NNT: variants seen among roughly 807,000 people sequenced by gnomAD.
The protein encoded by NNT is NAD(P) transhydrogenase, mitochondrial.
In NNT, 50 loss-of-function variants were observed where a neutral mutation model predicts 104.8. The observed-to-expected ratio is 0.48, with a 90% CI of 0.38 to 0.60. NNT has a LOEUF of 0.60. NNT is among the 20% of genes least tolerant of loss of function. NNT has a pLI of 0.00. For missense variants in NNT, 1,131 were observed against 1,330.7 expected, an observed-to-expected ratio of 0.85 and a Z score of 2.33; for synonymous variants, 461 against 490.4, an observed-to-expected ratio of 0.94 and a Z score of 0.79.
intron 17 of NNT, among the ~76,000 whole-genome samples, chr5:43,660,288 G>C (rs764211005): frequency 1.3e-4 from 19 of 151,984 alleles, no homozygotes; most frequent in Non-Finnish European, 2.1e-4. Flanking sequence ...TACCTTAGAA[G>C]TTTTGTGGTC....
intron 6 of NNT, among the ~76,000 whole-genome samples, chr5:43,627,262 G>A (rs936649086): frequency 1.3e-5 from 2 of 152,212 alleles, no homozygotes; most frequent in African/African-American, 4.8e-5. Context: ...ACCATGGACT[G>A]TATGTCCTAC....
chr5:43,679,940 C>G (rs1741613029), intron 19 of NNT, among the ~76,000 whole-genome samples: 1 of 151,520 alleles, frequency 6.6e-6, no homozygotes, highest in Admixed American at 6.6e-5. Context: ...TCTAGTTTCT[C>G]TATTTGTAAG....
At chr5:43,636,318 T>C (rs1433799257) in intron 7 of NNT, among the ~76,000 whole-genome samples, 2 of 152,210 alleles carry the variant, frequency 1.3e-5, no homozygotes, top group Non-Finnish European at 2.9e-5. Flanking sequence ...TCAAGGATTA[T>C]GTGGACCATT....
intron 20 of NNT, 56 bp downstream of exon 20, chr5:43,700,293 G>A: frequency 1.6e-6 from 2 of 1,258,338 alleles, no homozygotes; most frequent in South Asian, 2.6e-5. Flanking sequence ...ATAAAGCAGT[G>A]CAGGTGTGGG....
At position 43,645,358 on chromosome 5, in the gene NNT, A is replaced by T. The variant is rs752581106; in HGVS notation, c.1292A>T (p.Asp431Val). 6.5e-7 allele frequency: 1 copy of T among 1,534,716 alleles called. No homozygotes were observed. Among genetic ancestry groups the T allele is most frequent in the African/African-American group, 1.4e-5 (1 of 71,828 alleles). Reference sequence around the variant, plus strand: ...GTACTATTTTTTAATGTCTATTAGGATGGTAAAGTGATTTTCCCAGCTCCC... The same window carrying T: ...GTACTATTTTTTAATGTCTATTAGGTTGGTAAAGTGATTTTCCCAGCTCCC... Reference protein sequence around the residue: ...HVIRGTVVMKDGKVIFPAPTP... With the variant: ...HVIRGTVVMKVGKVIFPAPTP... Residue 431 changes from aspartate to valine, a missense_variant and splice_region_variant, in exon 10 of 22, where the codon GAT becomes GTT. By Grantham distance (152) the Asp-to-Val change is radical. Coordinates refer to ENST00000344920, the MANE Select transcript of NNT (RefSeq NM_182977.3).
intron 17 of NNT, among the ~76,000 whole-genome samples, chr5:43,669,737 A>T (rs1001920230): frequency 1.3e-5 from 2 of 152,084 alleles, no homozygotes; most frequent in East Asian, 3.9e-4. Context: ...TTGGTCTAAA[A>T]TTCTCTTTTT....
chr5:43,700,605 A>T (rs951247589), intron 20 of NNT, among the ~76,000 whole-genome samples: 14 of 152,222 alleles, frequency 9.2e-5, no homozygotes, highest in African/African-American at 3.4e-4. Context: ...GCTTCTGTTG[A>T]TAATTTAGTG....
At chr5:43,657,994 G>T (rs1167465395) in intron 16 of NNT, among the ~76,000 whole-genome samples, 2 of 152,176 alleles carry the variant, frequency 1.3e-5, no homozygotes, top group East Asian at 1.9e-4. Flanking sequence ...AATAAGCCGG[G>T]TGTGGTAGTC....
chr5:43,654,320 C>T (rs951269261), intron 14 of NNT, among the ~76,000 whole-genome samples: 8 of 152,076 alleles, frequency 5.3e-5, no homozygotes, highest in East Asian at 1.9e-4. Context: ...ATTGTCCAGA[C>T]GTGAGAAAGT....
At chr5:43,677,296 A>C (rs60788824) in intron 18 of NNT, among the ~76,000 whole-genome samples, 1 of 152,250 alleles carries the variant, frequency 6.6e-6, no homozygotes, top group African/African-American at 2.4e-5. Flanking sequence ...GAAAAGAAGG[A>C]GAAAAACTAT....
chr5:43,646,540 C>T (rs1739453872), intron 10 of NNT, among the ~76,000 whole-genome samples: 1 of 151,670 alleles, frequency 6.6e-6, no homozygotes, highest in Admixed American at 6.6e-5. Context: ...CTCAAGTGAT[C>T]CTCCTGCCTT....
At chr5:43,667,228 G>A (rs1205317491) in intron 17 of NNT, 1 of 1,055,084 alleles carries the variant, frequency 9.5e-7, no homozygotes, top group Admixed American at 1.7e-5. Flanking sequence ...CTTGGACTTG[G>A]CCATGTCTGC....
At chr5:43,693,374 T>C (rs148137142) in intron 19 of NNT, among the ~76,000 whole-genome samples, 1 of 152,366 alleles carries the variant, frequency 6.6e-6, no homozygotes, top group East Asian at 1.9e-4. Context: ...AAAATACCTC[T>C]TATTTAATGA....
intron 7 of NNT, among the ~76,000 whole-genome samples, chr5:43,642,510 A>G (rs568247745): frequency 6.6e-6 from 1 of 152,332 alleles, no homozygotes; most frequent in South Asian, 2.1e-4. Flanking sequence ...ACTTCAGGGT[A>G]TTGTCTCTGG....
intron 19 of NNT, among the ~76,000 whole-genome samples, chr5:43,686,887 A>G (rs1389176152): frequency 6.6e-6 from 1 of 152,146 alleles, no homozygotes; most frequent in African/African-American, 2.4e-5. Flanking sequence ...ATGGAGGTAC[A>G]CAGAAGTAAA....
intron 19 of NNT, among the ~76,000 whole-genome samples, chr5:43,693,662 A>G (rs1580126612): frequency 1.3e-5 from 2 of 152,198 alleles, no homozygotes; most frequent in East Asian, 3.8e-4. Flanking sequence ...ACATTAGGAT[A>G]GCAATGTTTG....
chr5:43,658,467 G>A (rs1740175181), intron 16 of NNT, among the ~76,000 whole-genome samples: 2 of 152,290 alleles, frequency 1.3e-5, no homozygotes, highest in African/African-American at 4.8e-5. Context: ...TTCCTTCAAA[G>A]GGTATTGATT....
At chr5:43,670,232 G>T (rs1173120792) in intron 17 of NNT, among the ~76,000 whole-genome samples, 1 of 152,030 alleles carries the variant, frequency 6.6e-6, no homozygotes, top group Non-Finnish European at 1.5e-5. Context: ...CAAAAAACCA[G>T]CTCCTGGATT....
chr5:43,650,436 T>G (rs1739695253), intron 11 of NNT, 41 bp from the exon 12 acceptor site: 5 of 1,362,318 alleles, frequency 3.7e-6, no homozygotes, highest in Non-Finnish European at 5.3e-6. Context: ...GATTTGGTGG[T>G]GTCACTATCA....
Sources: gnomAD v4.1 joint callset for allele counts (sites outside exome capture counted in the v4.1 genomes callset) on GRCh38, gnomAD v4.1.1 for gene constraint, MANE v1.5 for transcripts, NCBI Gene and HGNC (gene_info 2026-07-23, HGNC 2026-07-21) for gene names.